The following ERAP1 variants were observed in gnomAD, a reference collection of about 807,000 sequenced individuals.
ERAP1 encodes the protein adipocyte-derived leucine aminopeptidase.
In ERAP1, 86 loss-of-function variants were observed where a neutral mutation model predicts 103.7. The observed-to-expected ratio is 0.83, with a 90% CI of 0.70 to 0.99. ERAP1 has a LOEUF of 0.99. Among genes scored for constraint, ERAP1 ranks in the 50% least tolerant of loss-of-function variants. ERAP1 has a pLI of 0.00. For synonymous variants in ERAP1, 398 were observed against 402.4 expected (o/e 0.99, Z 0.13); for missense variants, 1,009 against 1,128.4 (o/e 0.89, Z 1.52).
chr5:96,782,096 G>A (rs147223455), intron 15 of ERAP1, among the ~76,000 whole-genome samples: 13,897 of 148,960 alleles, frequency 0.093, 842 homozygotes, highest in Middle Eastern at 0.17. Context: ...TGCAAGCTCC[G>A]CCCTCCCGGG....
intron 19 of ERAP1, chr5:96,769,116 CCTT>C (rs1771182095): frequency 6.6e-6 from 1 of 152,218 alleles, no homozygotes; most frequent in African/African-American, 2.4e-5. Flanking sequence ...ATGAGTACCT[CCTT>C]GTTATTTTCA....
the ERAP1 span, among the ~76,000 whole-genome samples, chr5:96,816,497 G>A: frequency 6.6e-6 from 1 of 152,146 alleles, no homozygotes; most frequent in African/African-American, 2.4e-5. Context: ...TTGCTCAGCA[G>A]GGACGGTCTC....
chr5:96,822,151 C>G, the ERAP1 span, among the ~76,000 whole-genome samples: 99,869 of 151,552 alleles, frequency 0.66, 33,382 homozygotes, highest in Non-Finnish European at 0.72. Flanking sequence ...GTATCTTGAG[C>G]CTTTCCCTTC....
chr5:96,853,224 A>G, the ERAP1 span, among the ~76,000 whole-genome samples: 1 of 152,228 alleles, frequency 6.6e-6, no homozygotes, highest in Non-Finnish European at 1.5e-5. Context: ...CTGACAAAGG[A>G]ATAGCCAAAC....
chr5:96,914,058 A>G, the ERAP1 span, among the ~76,000 whole-genome samples: 1 of 152,246 alleles, frequency 6.6e-6, no homozygotes, highest in South Asian at 2.1e-4. Context: ...TGGATCTAAA[A>G]TATCCCTCAG....
the ERAP1 span, chr5:96,935,366 C>T: frequency 6.6e-6 from 1 of 152,460 alleles, no homozygotes; most frequent in Non-Finnish European, 1.5e-5. Flanking sequence ...TCTTCCGTCT[C>T]CTCCTCACCG....
Position 96,785,792 on chromosome 5 carries a change from C to T in ERAP1, c.1939G>A (p.Val647Ile), listed in dbSNP as rs111363347. 4,083 of 1,614,058 alleles carry T rather than the reference C, an allele frequency of 2.5e-3. 45 individuals are homozygous for T. Among genetic ancestry groups the T allele is most frequent in the Middle Eastern group, 0.024 (146 of 6,062 alleles). The change falls in exon 13 of 19, where the codon GTC becomes ATC. Residue 647 changes from valine to isoleucine, a missense_variant. Around this residue, in one of 3 missense-constraint regions of ERAP1, gnomAD observed 611 missense variants for 651.7 expected, o/e 0.94. Transcript: ENST00000443439. ...ASLINNAFQL[V>I]SIGKLSIEKA... is the part of the protein sequence containing the mutation. ...ACTTTGTGCAGCGTGTATTACCTGA[C>T]GAGCTGAAATGCATTGTTAATGAGA...
At chr5:96,787,658 CAT>C (rs1374921124) in intron 11 of ERAP1, among the ~76,000 whole-genome samples, 1 of 151,996 alleles carries the variant, frequency 6.6e-6, no homozygotes, top group Non-Finnish European at 1.5e-5. Flanking sequence ...TTCAGAAAAA[CAT>C]ATGCCAAGTA....
At chr5:96,889,411 C>A in the ERAP1 span, 1 of 1,249,644 alleles carries the variant, frequency 8.0e-7, no homozygotes, top group Non-Finnish European at 1.2e-6. Context: ...CTGAGGAATT[C>A]AGTTAGCTCA....
chr5:96,803,964 A>G, intron 1 of ERAP1, 21 bp from the exon 2 acceptor site: 1 of 1,599,280 alleles, frequency 6.3e-7, no homozygotes, highest in Non-Finnish European at 8.5e-7. Flanking sequence ...AAATGTACAA[A>G]AGCAAAAATA....
At chr5:96,822,939 G>A in the ERAP1 span, 1 of 415,824 alleles carries the variant, frequency 2.4e-6, no homozygotes, top group Non-Finnish European at 4.9e-6. Flanking sequence ...AGTCTCACCT[G>A]AGGCATGACT....
chr5:96,862,327 T>C, the ERAP1 span, among the ~76,000 whole-genome samples: 3 of 152,194 alleles, frequency 2.0e-5, no homozygotes, highest in African/African-American at 7.2e-5. Context: ...ATAAGTTCTT[T>C]AGTGGACAAG....
chr5:96,921,844 A>G, the ERAP1 span, among the ~76,000 whole-genome samples: 195 of 152,340 alleles, frequency 1.3e-3, 1 homozygote, highest in Non-Finnish European at 1.6e-3. Flanking sequence ...AGGAATTCCC[A>G]TAGTAATAGC....
chr5:96,816,814 T>C, the ERAP1 span, among the ~76,000 whole-genome samples: 3 of 152,192 alleles, frequency 2.0e-5, no homozygotes, highest in Non-Finnish European at 4.4e-5. Context: ...CTCTCTTCGC[T>C]GAGAGCTTTC....
chr5:96,816,324 G>A, the ERAP1 span, among the ~76,000 whole-genome samples: 1 of 152,128 alleles, frequency 6.6e-6, no homozygotes, highest in African/African-American at 2.4e-5. Flanking sequence ...GGAAAGCACT[G>A]AGAGAGGAGT....
At chr5:96,841,987 C>T in the ERAP1 span, among the ~76,000 whole-genome samples, 1 of 152,054 alleles carries the variant, frequency 6.6e-6, no homozygotes, top group Admixed American at 6.6e-5. Context: ...CATTCTTATG[C>T]CTTTGTGTCC....
the ERAP1 span, among the ~76,000 whole-genome samples, chr5:96,836,477 C>T: frequency 3.9e-5 from 6 of 152,192 alleles, no homozygotes; most frequent in African/African-American, 9.7e-5. Flanking sequence ...GCTGGGATTA[C>T]AGGCGTGAGC....
the ERAP1 span, chr5:96,814,028 C>A: frequency 3.7e-6 from 1 of 269,882 alleles, no homozygotes; most frequent in Non-Finnish European, 7.4e-6. Context: ...ACGAACATAT[C>A]AACTTAAAAC....
At chr5:96,904,385 A>C in the ERAP1 span, among the ~76,000 whole-genome samples, 1 of 152,112 alleles carries the variant, frequency 6.6e-6, no homozygotes, top group Non-Finnish European at 1.5e-5. Flanking sequence ...GTGACATATA[A>C]TTTTCTTTCA....
Sources: allele counts gnomAD v4.1 joint callset (sites outside exome capture counted in the v4.1 genomes callset), GRCh38; gene constraint gnomAD v4.1.1; regional missense constraint gnomAD v4.1.1; transcripts MANE v1.5; gene names NCBI Gene and HGNC (gene_info 2026-07-23, HGNC 2026-07-21).